Variants in ACSF3 observed in about 807,000 individuals in gnomAD.
ACSF3 encodes malonate--CoA ligase ACSF3, mitochondrial.
Under a neutral mutation model 53.2 loss-of-function variants are expected in ACSF3, and 78 were observed. The observed-to-expected ratio is 1.47, with a 90% CI of 1.22 to 1.77. ACSF3 has a LOEUF of 1.77. Among genes scored for constraint, ACSF3 ranks in the 40% most tolerant of loss-of-function variants. ACSF3 has a pLI of 0.00. For synonymous variants in ACSF3, 414 were observed against 333.1 expected (o/e 1.24, Z -2.65); for missense variants, 937 against 771.1 (o/e 1.22, Z -2.55).
rs571472953 is a variant in ACSF3, at chr16:89,101,007, T to A, written c.326T>A (p.Val109Asp). The A allele has an allele frequency of 6.2e-7, 1 of 1,613,694 alleles. No individual in the cohort carries two copies. Among genetic ancestry groups the A allele is most frequent in the East Asian group, 2.2e-5 (1 of 44,882 alleles). ...SFLCANDASY[V>D]VAQWASWMSG... ...CTATGCGCTAACGATGCCTCCTACG[T>A]CGTGGCCCAGTGGGCGTCATGGATG... The change falls in exon 3 of 11, where the codon GTC becomes GAC. Residue 109 changes from valine (V) to aspartate (D), a missense_variant. By Grantham distance (152) the Val-to-Asp change is radical. Coordinates refer to ENST00000614302, the MANE Select transcript of ACSF3 (RefSeq NM_001243279.3).
chr16:89,116,425 G>A (rs559575488), intron 6 of ACSF3, among the ~76,000 whole-genome samples: 1 of 152,216 alleles, frequency 6.6e-6, no homozygotes, highest in Non-Finnish European at 1.5e-5. Context: ...CCTGCAAGGT[G>A]AGTGTGAGGG....
Position 89,100,710 on chromosome 16 carries a change from G to C in ACSF3, c.29G>C (p.Arg10Pro). MLPHVVLTF[R>P]RLGCALASCR... is the part of the protein sequence containing the mutation. Reference sequence around the variant, plus strand: ...CTGCCCCATGTGGTGCTCACCTTCCGGCGCCTGGGCTGCGCCTTGGCGTCC... The same window carrying C: ...CTGCCCCATGTGGTGCTCACCTTCCCGCGCCTGGGCTGCGCCTTGGCGTCC... Residue 10 changes from arginine (R) to proline (P), a missense_variant, in exon 3 of 11, where the codon CGG becomes CCG. Physicochemically the swap from Arg to Pro is moderately radical, Grantham distance 103 (BLOSUM62 -2). Coordinates refer to ENST00000614302, the MANE Select transcript of ACSF3 (RefSeq NM_001243279.3). 6.3e-7 allele frequency: 1 copy of C among 1,596,672 alleles called. No individual in the cohort carries two copies. The highest frequency in any genetic ancestry group is 8.5e-7 in the Non-Finnish European group (1 of 1,177,664).
rs539069474 is a variant in ACSF3, at chr16:89,100,664, C to T, written c.-18C>T. ...TCCTGTGCCTTGCCTTTCTCCAGCTCGGCCGCCTGTCAGTGCAATGCTGCC... is the reference window on the plus strand; with the variant it reads ...TCCTGTGCCTTGCCTTTCTCCAGCTTGGCCGCCTGTCAGTGCAATGCTGCC... On this transcript the variant is annotated splice_region_variant and 5_prime_UTR_variant, in exon 3 of 11. Transcript: ENST00000614302. 3.9e-4 allele frequency: 570 copies of T among 1,453,142 alleles called. 2 individuals are homozygous for T. The highest frequency in any genetic ancestry group is 3.8e-3 in the African/African-American group (161 of 42,594). The allele number at this position is 1,453,142 out of a possible 1,614,324, so 90.0% of individuals were successfully genotyped here.
In ACSF3 at chr16:89,101,059, C is replaced by T. The variant is rs775845691; in HGVS notation, c.378C>T (p.Tyr126=). The change falls in exon 3 of 11, where the codon TAC becomes TAT. Residue 126 remains tyrosine, a synonymous_variant. Transcript: ENST00000614302. The part of the protein sequence containing the change: ...WMSGGVAVPL[Y]RKHPAAQLEY... The stretch of plus-strand genomic sequence containing the variant: ...GTGGCGGTGTGGCAGTCCCCCTCTA[C>T]AGGAAGCATCCCGCGGCCCAGCTGG... The T allele has an allele frequency of 3.1e-6, 5 of 1,614,060 alleles. No individual in the cohort carries two copies. The highest frequency in any genetic ancestry group is 1.3e-5 in the African/African-American group (1 of 75,040).
At position 89,145,365 on chromosome 16, in the gene ACSF3, G is replaced by C. The variant is rs377596983; in HGVS notation, c.1465G>C (p.Val489Leu). The change falls in exon 9 of 11, where the codon GTG (valine) becomes CTG (leucine). Residue 489 changes from valine to leucine, a missense_variant. Transcript: ENST00000614302. ...AGGCTACAAGGTCAGCGCCCTGGAGGTGGAGTGGCACCTGCTGGCCCACCC... is the reference window on the plus strand; with the variant it reads ...AGGCTACAAGGTCAGCGCCCTGGAGCTGGAGTGGCACCTGCTGGCCCACCC... ...TGGYKVSALE[V>L]EWHLLAHPSI... The C allele has an allele frequency of 1.2e-6, 2 of 1,614,094 alleles. No individual in the cohort carries two copies. Among genetic ancestry groups the C allele is most frequent in the African/African-American group, 2.7e-5 (2 of 74,954 alleles).
intron 5 of ACSF3, chr16:89,113,766 G>A (rs540413144): frequency 9.5e-6 from 2 of 211,292 alleles, no homozygotes; most frequent in East Asian, 1.2e-4. Flanking sequence ...CTCCTGCCAA[G>A]CCTGAGCTGA....
In ACSF3 at chr16:89,120,917, A is replaced by T; in HGVS notation, c.1239+4A>T. 1 of 1,613,192 alleles carries T rather than the reference A, an allele frequency of 6.2e-7. No homozygotes were observed. The highest frequency in any genetic ancestry group is 8.5e-7 in the Non-Finnish European group (1 of 1,179,458). On this transcript the variant is annotated splice_donor_region_variant and intron_variant, in intron 7 of 10. Coordinates refer to ENST00000614302, the MANE Select transcript of ACSF3 (RefSeq NM_001243279.3). Reference sequence around the variant, plus strand: ...GGGAGACGAGAGGGGGACCAAGGTAAGCCACTCTGCTCTTGGCAGGTGGGC... The same window carrying T: ...GGGAGACGAGAGGGGGACCAAGGTATGCCACTCTGCTCTTGGCAGGTGGGC...
intron 4 of ACSF3, among the ~76,000 whole-genome samples, chr16:89,111,136 C>A (rs375312354): frequency 6.6e-6 from 1 of 152,220 alleles, no homozygotes; most frequent in Non-Finnish European, 1.5e-5. Context: ...ATTTGAAGGG[C>A]CTTGTCTGGT....
chr16:89,128,341 A>C (rs565370469), intron 7 of ACSF3, among the ~76,000 whole-genome samples: 4 of 151,840 alleles, frequency 2.6e-5, no homozygotes, highest in Non-Finnish European at 5.9e-5. Context: ...GCTCACTGCA[A>C]CCTCAGCCTC....
At chr16:89,104,183 C>T (rs186705566) in intron 4 of ACSF3, among the ~76,000 whole-genome samples, 112 of 152,342 alleles carry the variant, frequency 7.4e-4, no homozygotes, top group Middle Eastern at 3.4e-3. Flanking sequence ...AGGCCATGGA[C>T]GTTTACCAGC....
intron 7 of ACSF3, among the ~76,000 whole-genome samples, chr16:89,126,183 CTTCTT>C (rs1908055535): frequency 6.6e-6 from 1 of 152,184 alleles, no homozygotes; most frequent in South Asian, 2.1e-4. Context: ...GTAAATGTTT[CTTCTT>C]TTCTTTATTC....
At chr16:89,113,941 G>C in intron 5 of ACSF3, 1 of 346,148 alleles carries the variant, frequency 2.9e-6, no homozygotes, top group South Asian at 2.2e-5. Context: ...GCCGCAGCCT[G>C]CAGCGCCGTG....
At chr16:89,094,155 C>A (rs1022094582) in intron 1 of ACSF3, among the ~76,000 whole-genome samples, 159 bp downstream of exon 1, 2 of 151,682 alleles carry the variant, frequency 1.3e-5, no homozygotes, top group African/African-American at 4.8e-5. Context: ...CGGGCGTCGG[C>A]CTTCCCGGGA....
chr16:89,114,746 A>T (rs775141198), intron 6 of ACSF3: 9 of 559,004 alleles, frequency 1.6e-5, no homozygotes, highest in Non-Finnish European at 2.6e-5. Context: ...CTGGGGAGAC[A>T]ATGGGAAGAA....
Position 89,146,886 on chromosome 16 carries a change from G to A in ACSF3, c.1613+837G>A, listed in dbSNP as rs114364788. Among the ~76,000 whole-genome samples the A allele has an allele frequency of 2.0e-3, 307 of 152,302 alleles. 2 individuals are homozygous for A. The highest frequency in any genetic ancestry group is 6.4e-3 in the African/African-American group (266 of 41,566). Reference sequence around the variant, plus strand: ...CTGAGCTATGGCCTTGTCAAAGGCCGTCAGGACGGAAGGGTATCCCATAGG... The same window carrying A: ...CTGAGCTATGGCCTTGTCAAAGGCCATCAGGACGGAAGGGTATCCCATAGG... On this transcript the variant is annotated intron_variant, in intron 10 of 10. Transcript: ENST00000614302.
At chr16:89,116,033 C>G (rs566232098) in intron 6 of ACSF3, among the ~76,000 whole-genome samples, 4 of 152,344 alleles carry the variant, frequency 2.6e-5, no homozygotes, top group African/African-American at 9.6e-5. Flanking sequence ...GATGTCATAT[C>G]TAATAAATCC....
chr16:89,095,185 C>G (rs1974468607), intron 1 of ACSF3: 1 of 152,202 alleles, frequency 6.6e-6, no homozygotes, highest in Non-Finnish European at 1.5e-5. Flanking sequence ...GGCTGGTGTC[C>G]TCTCCGCAGG....
chr16:89,141,823 C>T (rs1372021711), intron 8 of ACSF3, among the ~76,000 whole-genome samples: 1 of 152,184 alleles, frequency 6.6e-6, no homozygotes, highest in Non-Finnish European at 1.5e-5. Context: ...ACTGAGGGCC[C>T]TGCACGCCAC....
intron 7 of ACSF3, among the ~76,000 whole-genome samples, chr16:89,132,421 G>A (rs889207534): frequency 2.0e-5 from 3 of 152,194 alleles, no homozygotes; most frequent in African/African-American, 7.2e-5. Flanking sequence ...GGCCTCCCGT[G>A]CCATCTGTTC....
Sources: gnomAD v4.1 joint callset for allele counts (sites outside exome capture counted in the v4.1 genomes callset) on GRCh38, gnomAD v4.1.1 for gene constraint, MANE v1.5 for transcripts, NCBI Gene and HGNC (gene_info 2026-07-23, HGNC 2026-07-21) for gene names.